Variants in NKAIN1 observed in about 807,000 individuals in gnomAD.
The protein encoded by NKAIN1 is sodium/potassium transporting ATPase interacting 1.
NKAIN1 carries 13 observed loss-of-function variants against 31.6 expected under a neutral mutation model. The ratio of observed to expected loss-of-function variants is 0.41; its 90% CI spans 0.27 to 0.65. NKAIN1 has a LOEUF of 0.65. Among genes scored for constraint, NKAIN1 ranks in the 30% least tolerant of loss-of-function variants. The probability of loss-of-function intolerance (pLI) is 0.30; values close to 1 mark genes in which losing one functional copy is unlikely to be tolerated. For missense variants in NKAIN1, 193 were observed against 262.2 expected (o/e 0.74, Z 1.82); for synonymous variants, 104 against 109.0 (o/e 0.95, Z 0.28).
intron 6 of NKAIN1, 56 bp downstream of exon 6, chr1:31,181,804 C>T (rs1645200338): frequency 6.4e-7 from 1 of 1,567,968 alleles, no homozygotes; most frequent in Admixed American, 1.9e-5. Context: ...CCATCCCCTC[C>T]TTTTCGCAAC....
intron 2 of NKAIN1, among the ~76,000 whole-genome samples, chr1:31,185,939 G>T (rs1007830941): frequency 6.6e-6 from 1 of 151,976 alleles, no homozygotes; most frequent in African/African-American, 2.4e-5. Flanking sequence ...TAAGACTATA[G>T]GAAATGGGCC....
chr1:31,190,061 G>A (rs940304095), intron 1 of NKAIN1, among the ~76,000 whole-genome samples: 5 of 152,218 alleles, frequency 3.3e-5, no homozygotes, highest in African/African-American at 1.2e-4. Flanking sequence ...TTTGTCATTT[G>A]CAACAAAGAG....
intron 1 of NKAIN1, among the ~76,000 whole-genome samples, chr1:31,208,347 C>G (rs998049649): frequency 1.3e-5 from 2 of 151,984 alleles, no homozygotes; most frequent in Non-Finnish European, 2.9e-5. Flanking sequence ...TCTTCCACCC[C>G]CCGCTTATGG....
At chr1:31,218,021 T>TTTCTTTCC (rs1645527173) in intron 1 of NKAIN1, among the ~76,000 whole-genome samples, 2 of 76,448 alleles carry the variant, frequency 2.6e-5, no homozygotes, top group African/African-American at 1.6e-4. Flanking sequence ...TACCATTTTC[T>TTTCTTTCC]TTCTTTCTTT....
intron 1 of NKAIN1, among the ~76,000 whole-genome samples, chr1:31,226,763 A>G (rs1178034006): frequency 6.6e-6 from 1 of 151,754 alleles, no homozygotes; most frequent in Non-Finnish European, 1.5e-5. Context: ...ACCTCAGGTA[A>G]TCTGCCCGCC....
chr1:31,237,926 G>T (rs1645704006), intron 1 of NKAIN1, among the ~76,000 whole-genome samples: 3 of 152,024 alleles, frequency 2.0e-5, no homozygotes, highest in Non-Finnish European at 4.4e-5. Flanking sequence ...AAACACAGAA[G>T]AATCCTCTGA....
At chr1:31,232,928 C>A (rs1253244854) in intron 1 of NKAIN1, among the ~76,000 whole-genome samples, 1 of 152,098 alleles carries the variant, frequency 6.6e-6, no homozygotes, top group African/African-American at 2.4e-5. Context: ...AAAAACCACA[C>A]CTATCTCATA....
rs540851254 is a variant in NKAIN1 at position 31,195,528 on chromosome 1, CCAT to C, written c.55-7344_55-7342del. ...CCTCCTGTCTTCTCAGGAGCCCACA[CCAT>C]CCACAGTCCCTTCTCTCTTGTAAAC... On this transcript the variant is annotated intron_variant, in intron 1 of 6. Transcript: ENST00000373736. Among the ~76,000 whole-genome samples the C allele has an allele frequency of 2.0e-5, 3 of 152,274 alleles. No homozygotes were observed. In the South Asian group the frequency reaches 6.2e-4, roughly 32 times the overall value.
chr1:31,222,623 C>T (rs1000303693), intron 1 of NKAIN1, among the ~76,000 whole-genome samples: 4 of 152,226 alleles, frequency 2.6e-5, no homozygotes, highest in Non-Finnish European at 4.4e-5. Flanking sequence ...AACCAGGAGA[C>T]GGATGCAGAG....
At position 31,181,633 on chromosome 1, in the gene NKAIN1, G is replaced by A. The variant is rs1390607808; in HGVS notation, c.*70C>T. The A allele has an allele frequency of 5.7e-6, 8 of 1,410,030 alleles. No individual in the cohort carries two copies. In the Admixed American group the frequency reaches 2.0e-4, roughly 36 times the overall value. 87.3% of individuals were successfully genotyped at this position (1,410,030 alleles called of 1,614,324 possible). ...CGGGCCACCAGGGGGACACGCCTGCGCCTTGGCCCGAGCTCGCGGCAGCTG... is the reference window on the plus strand; with the variant it reads ...CGGGCCACCAGGGGGACACGCCTGCACCTTGGCCCGAGCTCGCGGCAGCTG... On this transcript the variant is annotated 3_prime_UTR_variant, in exon 7 of 7. Transcript: ENST00000373736.
chr1:31,206,996 A>C (rs755541957), intron 1 of NKAIN1, among the ~76,000 whole-genome samples: 41 of 152,136 alleles, frequency 2.7e-4, no homozygotes, highest in Non-Finnish European at 4.7e-4. Context: ...CAGCCTCCCA[A>C]AGTGCTGGGA....
Position 31,183,821 on chromosome 1 carries a change from A to G in NKAIN1, c.467T>C (p.Leu156Pro). ...EALSSALQIF[L>P]ALFGFVFACY... ...GTGGGGGACAGAAGGACTTACTGCC[A>G]GGAAGATCTGCAGGGCGCTGCTGAG... Residue 156 changes from leucine to proline, a missense_variant, in exon 4 of 7, where the codon CTG becomes CCG. Transcript: ENST00000373736. The G allele has an allele frequency of 6.2e-7, 1 of 1,611,998 alleles. No homozygotes were observed. Among genetic ancestry groups the G allele is most frequent in the Non-Finnish European group, 8.5e-7 (1 of 1,178,806 alleles).
At chr1:31,194,912 C>T (rs1203120642) in intron 1 of NKAIN1, among the ~76,000 whole-genome samples, 2 of 151,048 alleles carry the variant, frequency 1.3e-5, no homozygotes, top group Admixed American at 6.6e-5. Context: ...GTTGGGATTA[C>T]AGGCGAGTGC....
intron 1 of NKAIN1, among the ~76,000 whole-genome samples, chr1:31,190,957 T>C (rs1408852892): frequency 1.3e-5 from 2 of 152,138 alleles, no homozygotes; most frequent in African/African-American, 2.4e-5. Flanking sequence ...GACAGAGCAA[T>C]CCAGGCTCAT....
chr1:31,239,370 C>T lies in NKAIN1; in HGVS notation c.54+124G>A. On this transcript the variant is annotated intron_variant, in intron 1 of 6. Transcript: ENST00000373736. This position sits in a 1 kb window ranked among gnomAD's most constrained non-coding sequence, Gnocchi z 4.8. ...CCGACCGCTCCGAGACTCCAGACCA[C>T]CCCCCGCCCGGGCACACGCACCAGA... 1.4e-5 allele frequency: 9 copies of T among 644,190 alleles called. No homozygotes were observed. The highest frequency in any genetic ancestry group is 3.5e-5 in the South Asian group (1 of 28,546). 39.9% of individuals were successfully genotyped at this position (644,190 alleles called of 1,614,324 possible).
At chr1:31,202,674 TA>T (rs35561378) in intron 1 of NKAIN1, among the ~76,000 whole-genome samples, 3,642 of 100,926 alleles carry the variant, frequency 0.036, 156 homozygotes, top group East Asian at 0.13. Flanking sequence ...AGACTCTGTA[TA>T]AAAAAAAAAA....
intron 4 of NKAIN1, 75 bp from the exon 5 acceptor site, chr1:31,182,665 A>G: frequency 6.5e-7 from 1 of 1,541,636 alleles, no homozygotes. Context: ...CGGGCCCTGT[A>G]CGCTCTGACT....
intron 6 of NKAIN1, 59 bp downstream of exon 6, chr1:31,181,801 C>T: frequency 1.3e-6 from 2 of 1,566,588 alleles, no homozygotes; most frequent in Non-Finnish European, 8.7e-7. Context: ...CCTCCATCCC[C>T]TCCTTTTCGC....
At chr1:31,216,241 C>T (rs7544003) in intron 1 of NKAIN1, among the ~76,000 whole-genome samples, 76,976 of 151,352 alleles carry the variant, frequency 0.51, 20,967 homozygotes, top group East Asian at 0.77. Context: ...GCCGTCTGCA[C>T]GTGGGAGCAG....
Sources: gnomAD v4.1 joint callset for allele counts (sites outside exome capture counted in the v4.1 genomes callset) on GRCh38, gnomAD v4.1.1 for gene constraint, Gnocchi (gnomAD v3.1) non-coding constraint, MANE v1.5 for transcripts, NCBI Gene and HGNC (gene_info 2026-07-23, HGNC 2026-07-21) for gene names.